Variants in RTL4 observed in about 807,000 individuals in gnomAD.
RTL4 encodes the protein retrotransposon Gag like 4.
RTL4 carries 4 observed loss-of-function variants against 5.3 expected under a neutral mutation model. The ratio of observed to expected loss-of-function variants is 0.75; its 90% CI spans 0.37 to 1.72. RTL4 has a LOEUF of 1.72. RTL4 is among the 40% of genes most tolerant of loss of function. RTL4 has a pLI of 0.04. For missense variants in RTL4, 260 were observed against 227.1 expected (o/e 1.14, Z -0.93); for synonymous variants, 98 against 87.3 (o/e 1.12, Z -0.68).
At chrX:112,149,323 T>C in the RTL4 span, among the ~76,000 whole-genome samples, 3 of 111,257 alleles carry the variant, frequency 2.7e-5, no homozygotes, top group Non-Finnish European at 5.7e-5. Flanking sequence ...ATATGTGAGA[T>C]GATGATAAGT....
the RTL4 span, among the ~76,000 whole-genome samples, chrX:112,297,253 T>G: frequency 3.6e-5 from 4 of 111,298 alleles, no homozygotes. Context: ...CAAGTGGTTT[T>G]AATGGTGTAT....
chrX:112,360,004 G>A, the RTL4 span, among the ~76,000 whole-genome samples: 1 of 111,548 alleles, frequency 9.0e-6, no homozygotes, highest in African/African-American at 3.3e-5. Flanking sequence ...CATAATAATA[G>A]CAATTGCAAG....
At chrX:112,246,414 C>G in the RTL4 span, among the ~76,000 whole-genome samples, 3 of 111,949 alleles carry the variant, frequency 2.7e-5, no homozygotes, top group Non-Finnish European at 3.8e-5. Context: ...CCTACTCAAG[C>G]TTCAGCAATG....
chrX:112,112,915 T>C, the RTL4 span, among the ~76,000 whole-genome samples: 1 of 111,568 alleles, frequency 9.0e-6, no homozygotes, highest in African/African-American at 3.3e-5. Context: ...CATTCTGCTT[T>C]CTCTGGTATT....
chrX:112,423,325 T>C, the RTL4 span, among the ~76,000 whole-genome samples: 1 of 110,759 alleles, frequency 9.0e-6, no homozygotes, highest in Non-Finnish European at 1.9e-5. Flanking sequence ...AACTAGTCTT[T>C]GACAGGAAAG....
the RTL4 span, among the ~76,000 whole-genome samples, chrX:112,427,899 G>A: frequency 9.1e-6 from 1 of 110,000 alleles, no homozygotes; most frequent in Admixed American, 9.8e-5. Context: ...TACCCAATAT[G>A]TAGTCTTTTA....
the RTL4 span, chrX:112,381,359 G>A: frequency 4.1e-6 from 5 of 1,209,022 alleles, no homozygotes; most frequent in Non-Finnish European, 5.6e-6. Context: ...AACAAAGGTA[G>A]AGACAAGCCT....
the RTL4 span, among the ~76,000 whole-genome samples, chrX:112,342,251 G>A: frequency 9.0e-6 from 1 of 111,001 alleles, no homozygotes; most frequent in African/African-American, 3.3e-5. Flanking sequence ...CATCTAACTC[G>A]GCCATTCTTA....
chrX:112,290,439 G>A, the RTL4 span, among the ~76,000 whole-genome samples: 4 of 111,844 alleles, frequency 3.6e-5, no homozygotes, highest in Non-Finnish European at 7.5e-5. Flanking sequence ...AGTGACAGAC[G>A]GTCTTGACCA....
the RTL4 span, among the ~76,000 whole-genome samples, chrX:112,433,255 C>T: frequency 9.3e-6 from 1 of 108,070 alleles, no homozygotes; most frequent in Non-Finnish European, 1.9e-5. Context: ...GTATTTTTTT[C>T]CAATTCTGTG....
At chrX:112,291,838 GCC>G in the RTL4 span, among the ~76,000 whole-genome samples, 2 of 109,826 alleles carry the variant, frequency 1.8e-5, no homozygotes, top group Non-Finnish European at 3.8e-5. Flanking sequence ...CTCGTAATCC[GCC>G]CCCCTCGGCC....
chrX:112,263,211 A>G, the RTL4 span, among the ~76,000 whole-genome samples: 2 of 110,025 alleles, frequency 1.8e-5, no homozygotes, highest in African/African-American at 6.6e-5. Flanking sequence ...AAAAAAAAAA[A>G]AAAAGAAGCA....
At chrX:112,179,335 A>C in the RTL4 span, among the ~76,000 whole-genome samples, 1 of 109,968 alleles carries the variant, frequency 9.1e-6, no homozygotes, top group Admixed American at 9.7e-5. Flanking sequence ...GTACTCACAT[A>C]TATAGGGACA....
chrX:112,375,620 C>T, the RTL4 span, among the ~76,000 whole-genome samples: 1 of 111,291 alleles, frequency 9.0e-6, no homozygotes. Flanking sequence ...TGTTCTTACC[C>T]TCTTCAAGGC....
chrX:112,423,913 A>G, the RTL4 span, among the ~76,000 whole-genome samples: 1 of 111,435 alleles, frequency 9.0e-6, no homozygotes, highest in Non-Finnish European at 1.9e-5. Flanking sequence ...CTAATATCCT[A>G]AAACCCAGAA....
chrX:112,088,649 TG>T, the RTL4 span, among the ~76,000 whole-genome samples: 2 of 112,171 alleles, frequency 1.8e-5, no homozygotes, highest in African/African-American at 6.5e-5. Flanking sequence ...TTTTCCATAG[TG>T]GTTGTACCAT....
At chrX:112,097,588 A>T in the RTL4 span, among the ~76,000 whole-genome samples, 4 of 111,678 alleles carry the variant, frequency 3.6e-5, no homozygotes, top group Non-Finnish European at 7.5e-5. Context: ...ATAAGCTGAG[A>T]TTACGCCATC....
the RTL4 span, among the ~76,000 whole-genome samples, chrX:112,276,267 T>C: frequency 8.9e-6 from 1 of 111,784 alleles, no homozygotes; most frequent in Non-Finnish European, 1.9e-5. Context: ...AAGAGATTGA[T>C]GTTGAAAAGC....
chrX:112,321,696 T>G, the RTL4 span, among the ~76,000 whole-genome samples: 2 of 112,001 alleles, frequency 1.8e-5, no homozygotes, highest in Non-Finnish European at 3.8e-5. Context: ...AATCTTCTCA[T>G]AACCCTATGA....
Sources: allele counts gnomAD v4.1 joint callset (sites outside exome capture counted in the v4.1 genomes callset), GRCh38; gene constraint gnomAD v4.1.1; transcripts MANE v1.5; gene names NCBI Gene and HGNC (gene_info 2026-07-23, HGNC 2026-07-21).